Variants in PPARGC1A observed in about 807,000 individuals in gnomAD.
The protein encoded by PPARGC1A is peroxisome proliferator-activated receptor gamma coactivator 1-alpha.
In PPARGC1A, 25 loss-of-function variants were observed where a neutral mutation model predicts 88.7. The observed-to-expected ratio is 0.28, with a 90% CI of 0.21 to 0.39. The LOEUF is 0.39. PPARGC1A is among the 10% of genes least tolerant of loss of function. The pLI is 1.00. For synonymous variants in PPARGC1A, 363 were observed against 355.6 expected (o/e 1.02, Z -0.24); for missense variants, 880 against 968.7 (o/e 0.91, Z 1.22).
At chr4:23,823,122 T>TAA (rs3834209) in intron 7 of PPARGC1A, among the ~76,000 whole-genome samples, 67 of 150,420 alleles carry the variant, frequency 4.5e-4, no homozygotes, top group African/African-American at 1.0e-3. Flanking sequence ...AATATTCCTG[T>TAA]AAAAAAAAAC....
At chr4:24,173,230 C>T in the PPARGC1A span, among the ~76,000 whole-genome samples, 2 of 151,374 alleles carry the variant, frequency 1.3e-5, no homozygotes, top group African/African-American at 4.9e-5. Flanking sequence ...ATTAAAACCC[C>T]TTCTGATTCT....
the PPARGC1A span, among the ~76,000 whole-genome samples, chr4:24,291,609 C>T: frequency 6.6e-6 from 1 of 152,268 alleles, no homozygotes; most frequent in South Asian, 2.1e-4. Flanking sequence ...TAACATGTCT[C>T]CAAACACACA....
At chr4:24,258,122 C>T in the PPARGC1A span, 2 of 678,894 alleles carry the variant, frequency 2.9e-6, no homozygotes, top group East Asian at 1.4e-4. Context: ...TTACAGATTT[C>T]CTGATATGGC....
At chr4:24,256,503 T>G in the PPARGC1A span, among the ~76,000 whole-genome samples, 1 of 152,348 alleles carries the variant, frequency 6.6e-6, no homozygotes, top group African/African-American at 2.4e-5. Context: ...TCTCAATATA[T>G]TATTTATGCA....
the PPARGC1A span, among the ~76,000 whole-genome samples, chr4:24,120,279 C>T: frequency 8.5e-5 from 13 of 152,130 alleles, no homozygotes; most frequent in African/African-American, 2.9e-4. Flanking sequence ...AGCCCCCAGA[C>T]ACCACCATCT....
chr4:24,355,086 G>C, the PPARGC1A span, among the ~76,000 whole-genome samples: 2 of 152,114 alleles, frequency 1.3e-5, no homozygotes, highest in African/African-American at 2.4e-5. Flanking sequence ...AAGTTGAAGG[G>C]ACTTACCGCA....
chr4:24,443,387 G>A, the PPARGC1A span, among the ~76,000 whole-genome samples: 1 of 151,964 alleles, frequency 6.6e-6, no homozygotes, highest in Non-Finnish European at 1.5e-5. Context: ...TGAACACCAG[G>A]AAACAGCTCA....
At chr4:24,220,252 G>A in the PPARGC1A span, among the ~76,000 whole-genome samples, 1 of 152,178 alleles carries the variant, frequency 6.6e-6, no homozygotes, top group African/African-American at 2.4e-5. Context: ...CAGAGAAAAG[G>A]GAATGCTTAT....
chr4:23,900,575 C>T (rs1719215706), upstream of PPARGC1A, among the ~76,000 whole-genome samples: 1 of 152,212 alleles, frequency 6.6e-6, no homozygotes, highest in South Asian at 2.1e-4. Flanking sequence ...CTGCTTAAAA[C>T]TCAATGTAAA....
the PPARGC1A span, among the ~76,000 whole-genome samples, chr4:24,422,471 A>T: frequency 1.3e-5 from 2 of 152,180 alleles, no homozygotes; most frequent in Admixed American, 6.5e-5. Context: ...CCATGACCAG[A>T]TCTGCCTAAG....
chr4:24,209,864 G>A, the PPARGC1A span, among the ~76,000 whole-genome samples: 1 of 152,164 alleles, frequency 6.6e-6, no homozygotes, highest in Non-Finnish European at 1.5e-5. Flanking sequence ...TTTACTGATA[G>A]GAGCACATAA....
the PPARGC1A span, among the ~76,000 whole-genome samples, chr4:24,330,625 A>G: frequency 2.0e-5 from 3 of 152,240 alleles, no homozygotes; most frequent in Non-Finnish European, 4.4e-5. Flanking sequence ...ATAACAAATT[A>G]GTATTTTAAG....
chr4:23,815,422 T>G (rs900638622), intron 7 of PPARGC1A, among the ~76,000 whole-genome samples: 4 of 152,110 alleles, frequency 2.6e-5, no homozygotes, highest in African/African-American at 9.7e-5. Context: ...AGCCGACCAT[T>G]TTATATAGAG....
chr4:24,324,432 C>A, the PPARGC1A span, among the ~76,000 whole-genome samples: 2 of 152,066 alleles, frequency 1.3e-5, no homozygotes, highest in African/African-American at 2.4e-5. Flanking sequence ...GAACCCCCCA[C>A]CCCTTCTCCG....
chr4:23,829,073 A>G (rs1243399035), intron 4 of PPARGC1A, among the ~76,000 whole-genome samples: 4 of 152,218 alleles, frequency 2.6e-5, no homozygotes, highest in Non-Finnish European at 4.4e-5. Flanking sequence ...GCAGAGATAG[A>G]TGTTTTGTGG....
chr4:24,187,847 A>G, the PPARGC1A span, among the ~76,000 whole-genome samples: 1 of 152,232 alleles, frequency 6.6e-6, no homozygotes, highest in Admixed American at 6.5e-5. Context: ...TGTTTGATAA[A>G]TGCCCTGAAG....
the PPARGC1A span, among the ~76,000 whole-genome samples, chr4:24,213,165 CTTTTT>C: frequency 5.0e-5 from 5 of 100,736 alleles, no homozygotes; most frequent in Non-Finnish European, 6.0e-5. Context: ...GATTATTTTC[CTTTTT>C]TTTTTTTTTT....
At chr4:24,387,806 AAGAAAGAAAGAAAGAAAGAG>A in the PPARGC1A span, among the ~76,000 whole-genome samples, 642 of 115,090 alleles carry the variant, frequency 5.6e-3, 19 homozygotes, top group South Asian at 7.7e-3. Context: ...GAAAGAAAGA[AAGAAAGAAAGAAAGAAAGAG>A]AGAAAGAGAG....
the PPARGC1A span, among the ~76,000 whole-genome samples, chr4:24,346,943 C>G: frequency 6.6e-6 from 1 of 152,088 alleles, no homozygotes; most frequent in East Asian, 1.9e-4. Flanking sequence ...CAACTTTGCT[C>G]TATCCCAGAG....
Sources: allele counts gnomAD v4.1 joint callset (sites outside exome capture counted in the v4.1 genomes callset), GRCh38; gene constraint gnomAD v4.1.1; transcripts MANE v1.5; gene names NCBI Gene and HGNC (gene_info 2026-07-23, HGNC 2026-07-21).